The following MCF2L2 variants were observed in gnomAD, a reference collection of about 807,000 sequenced individuals.
MCF2L2 encodes probable guanine nucleotide exchange factor MCF2L2.
Under a neutral mutation model 150.2 loss-of-function variants are expected in MCF2L2, and 102 were observed. The observed-to-expected ratio is 0.68, with a 90% CI of 0.58 to 0.80. The LOEUF is 0.80. Among genes scored for constraint, MCF2L2 ranks in the 30% least tolerant of loss-of-function variants. The pLI is 0.00. For synonymous variants in MCF2L2, 465 were observed against 491.3 expected, an observed-to-expected ratio of 0.95 and a Z score of 0.71; for missense variants, 1,256 against 1,372.8, an observed-to-expected ratio of 0.91 and a Z score of 1.34.
At chr3:183,332,006 T>C (rs1191640818) in intron 5 of MCF2L2, among the ~76,000 whole-genome samples, 2 of 152,170 alleles carry the variant, frequency 1.3e-5, no homozygotes, top group African/African-American at 2.4e-5. Context: ...ATAAACTCCT[T>C]TCCCCCCAAC....
chr3:183,317,986 A>C (rs761854255), intron 7 of MCF2L2, 82 bp downstream of exon 7: 31 of 1,521,458 alleles, frequency 2.0e-5, no homozygotes, highest in Non-Finnish European at 2.8e-5. Context: ...CTTAACTGTT[A>C]ATTCTGCTTC....
chr3:183,178,480 A>C lies in MCF2L2; in HGVS notation c.*900T>G, dbSNP rs954865005. The C allele has an allele frequency of 1.4e-4, 22 of 152,156 alleles. No homozygotes were observed. Among genetic ancestry groups the C allele is most frequent in the African/African-American group, 5.1e-4 (21 of 41,436 alleles). 9.4% of individuals were successfully genotyped at this position (152,156 alleles called of 1,614,324 possible). On this transcript the variant is annotated 3_prime_UTR_variant, in exon 30 of 30. Coordinates refer to ENST00000328913, the MANE Select transcript of MCF2L2 (RefSeq NM_015078.4). The stretch of plus-strand genomic sequence containing the variant: ...GAGACTCCGTCTCGAAAAATAAATA[A>C]ATAAATAAATAAATAAATTCCAAGC...
rs562519754 is a variant in MCF2L2, at chr3:183,188,377, C to T, written c.3016+4622G>A. On this transcript the variant is annotated intron_variant, in intron 27 of 29. Transcript: ENST00000328913. ...GAAAACAATGTCCCCGTGTTCATCACTAGAGTCATGATGGGCAAGGTCACA... is the reference window on the plus strand; with the variant it reads ...GAAAACAATGTCCCCGTGTTCATCATTAGAGTCATGATGGGCAAGGTCACA... Among the ~76,000 whole-genome samples the T allele has an allele frequency of 2.6e-5, 4 of 152,348 alleles. No homozygotes were observed. The South Asian group carries it at 8.3e-4, about 32-fold the overall frequency.
chr3:183,291,600 C>G (rs976286926), intron 13 of MCF2L2, among the ~76,000 whole-genome samples: 13 of 152,224 alleles, frequency 8.5e-5, no homozygotes, highest in Non-Finnish European at 7.4e-5. Context: ...CACACATCTT[C>G]TTTATACTGT....
chr3:183,309,755 C>T lies in MCF2L2; in HGVS notation c.1074G>A (p.Gln358=). The T allele has an allele frequency of 6.2e-7, 1 of 1,613,996 alleles. No individual in the cohort carries two copies. Among genetic ancestry groups the T allele is most frequent in the Non-Finnish European group, 8.5e-7 (1 of 1,179,998 alleles). The change falls in exon 10 of 30, where the codon CAG becomes CAA. Residue 358 remains glutamine, a synonymous_variant. Coordinates refer to ENST00000328913, the MANE Select transcript of MCF2L2 (RefSeq NM_015078.4). ...GIGDSVMHVE[Q]ILKEHKKLEE... ...CCAGTTTTTTGTGTTCCTTAAGAAT[C>T]TGCTCCACGTGCATCACGCTGTCTC...
intron 15 of MCF2L2, among the ~76,000 whole-genome samples, chr3:183,238,841 CA>C (rs1229590587): frequency 6.6e-5 from 10 of 150,862 alleles, no homozygotes; most frequent in Non-Finnish European, 1.5e-4. Context: ...ACTAAAAATA[CA>C]AAAAATTAGC....
At chr3:183,360,741 G>C (rs1332977465) in intron 3 of MCF2L2, among the ~76,000 whole-genome samples, 7 of 151,930 alleles carry the variant, frequency 4.6e-5, no homozygotes, top group Non-Finnish European at 1.5e-5. Flanking sequence ...AGGCTGAGGT[G>C]GGTGGATCAC....
At chr3:183,351,190 G>C (rs4859172) in intron 3 of MCF2L2, among the ~76,000 whole-genome samples, 1 of 38,844 alleles carries the variant, frequency 2.6e-5, no homozygotes, top group Admixed American at 3.6e-4. Context: ...ATTTTCTTAA[G>C]TATATATATA....
intron 5 of MCF2L2, among the ~76,000 whole-genome samples, chr3:183,331,744 T>C (rs1379082906): frequency 6.6e-6 from 1 of 152,074 alleles, no homozygotes; most frequent in Admixed American, 6.6e-5. Context: ...TCAGAAACCA[T>C]CTACTGGGAG....
At chr3:183,359,270 G>T (rs1711984895) in intron 3 of MCF2L2, among the ~76,000 whole-genome samples, 1 of 152,200 alleles carries the variant, frequency 6.6e-6, no homozygotes, top group South Asian at 2.1e-4. Context: ...GAAGGCAAAA[G>T]CTCGTGTGCT....
At chr3:183,334,670 G>A (rs970159876) in intron 5 of MCF2L2, among the ~76,000 whole-genome samples, 2 of 151,726 alleles carry the variant, frequency 1.3e-5, no homozygotes, top group East Asian at 1.9e-4. Context: ...GCAGGCACCT[G>A]TAATCCCAGC....
intron 1 of MCF2L2, among the ~76,000 whole-genome samples, chr3:183,392,796 T>C (rs118101474): frequency 6.6e-6 from 1 of 152,180 alleles, no homozygotes; most frequent in East Asian, 1.9e-4. Context: ...AGTACACTTA[T>C]GCTCTACACC....
At position 183,257,402 on chromosome 3, in the gene MCF2L2, T is replaced by C. The variant is rs552195924; in HGVS notation, c.1862+19470A>G. ...AGCTACACCTGAAACATCTCTGAAG[T>C]CTTTTTAGCATCCTATCCTGCCCAT... On this transcript the variant is annotated intron_variant, in intron 15 of 29. Transcript: ENST00000328913. Among the ~76,000 whole-genome samples the C allele has an allele frequency of 1.1e-3, 173 of 152,336 alleles. 1 individual carries two copies. Among genetic ancestry groups the C allele is most frequent in the Admixed American group, 1.5e-3 (23 of 15,310 alleles).
At chr3:183,343,192 A>C (rs1383605912) in intron 3 of MCF2L2, among the ~76,000 whole-genome samples, 1 of 152,160 alleles carries the variant, frequency 6.6e-6, no homozygotes, top group Non-Finnish European at 1.5e-5. Context: ...ATTTTTCCTT[A>C]AATATGAGAG....
At chr3:183,402,144 T>C (rs150670202) in intron 1 of MCF2L2, among the ~76,000 whole-genome samples, 15 of 152,208 alleles carry the variant, frequency 9.9e-5, no homozygotes, top group Non-Finnish European at 1.6e-4. Flanking sequence ...GATTATCAAG[T>C]TTATTTGAAA....
chr3:183,402,223 C>G (rs945342338), intron 1 of MCF2L2, among the ~76,000 whole-genome samples: 1 of 150,926 alleles, frequency 6.6e-6, no homozygotes, highest in Admixed American at 6.6e-5. Flanking sequence ...GCAGGCAGAT[C>G]ACGAGGTCAG....
intron 1 of MCF2L2, among the ~76,000 whole-genome samples, chr3:183,394,485 G>A (rs797018514): frequency 1.3e-5 from 2 of 152,308 alleles, no homozygotes; most frequent in African/African-American, 4.8e-5. Flanking sequence ...ACCAGTTGCC[G>A]GGCTGGTACA....
chr3:183,396,482 GT>G (rs1714472317), intron 1 of MCF2L2, among the ~76,000 whole-genome samples: 1 of 152,108 alleles, frequency 6.6e-6, no homozygotes, highest in African/African-American at 2.4e-5. Context: ...TATACTCAAA[GT>G]TTGAACTTGT....
chr3:183,272,610 A>C, intron 15 of MCF2L2: 2 of 998,568 alleles, frequency 2.0e-6, no homozygotes, highest in Non-Finnish European at 2.4e-6. Flanking sequence ...AGTGTCAAAC[A>C]TTCTAGGTTG....
Sources: gnomAD v4.1 joint callset for allele counts (sites outside exome capture counted in the v4.1 genomes callset) on GRCh38, gnomAD v4.1.1 for gene constraint, MANE v1.5 for transcripts, NCBI Gene and HGNC (gene_info 2026-07-23, HGNC 2026-07-21) for gene names.